Variants in PTPN21 observed in about 807,000 individuals in gnomAD.
PTPN21 encodes tyrosine-protein phosphatase non-receptor type 21.
In PTPN21, 77 loss-of-function variants were observed where a neutral mutation model predicts 131.8. That is an observed-to-expected ratio of 0.58 (90% CI 0.49 to 0.71). The LOEUF (loss-of-function observed/expected upper bound fraction) is 0.71. PTPN21 is among the 30% of genes least tolerant of loss of function. The pLI is 0.00. For synonymous variants in PTPN21, 715 were observed against 621.3 expected (o/e 1.15, Z -2.24); for missense variants, 1,552 against 1,527.1 (o/e 1.02, Z -0.27).
chr14:88,549,157 A>G lies in PTPN21; in HGVS notation c.180+1081T>C, dbSNP rs373245099. On this transcript the variant is annotated intron_variant, in intron 2 of 18. Transcript: ENST00000556564. Reference sequence around the variant, plus strand: ...TGAATGTTGAAAGAACGAAGTCAAGAGCCGGACATGGTGGCACATGCCTAT... The same window carrying G: ...TGAATGTTGAAAGAACGAAGTCAAGGGCCGGACATGGTGGCACATGCCTAT... Among the ~76,000 whole-genome samples the G allele has an allele frequency of 4.6e-5, 7 of 152,320 alleles. No individual in the cohort carries two copies. In the South Asian group the frequency reaches 1.0e-3, roughly 23 times the overall value.
rs1393142104 is a variant in PTPN21 at position 88,479,229 on chromosome 14, C to A, written c.2202G>T (p.Glu734Asp). 5 of 1,604,694 alleles carry A rather than the reference C, an allele frequency of 3.1e-6. No homozygotes were observed. The highest frequency in any genetic ancestry group is 3.4e-6 in the Non-Finnish European group (4 of 1,175,640). The change falls in exon 13 of 19, where the codon GAG (glutamate) becomes GAT (aspartate). Residue 734 changes from glutamate to aspartate, a missense_variant. This residue lies in a region of PTPN21 where 1,016 missense variants were observed against 883.5 expected (regional missense o/e 1.15). Coordinates refer to ENST00000556564, the MANE Select transcript of PTPN21 (RefSeq NM_007039.4). ...GARAPPARAR[E>D]PRPGLAQDPP... is the part of the protein sequence containing the mutation. ...GGTCCTGGGCCAGGCCGGGCCGAGG[C>A]TCGCGCGCACGTGCAGGAGGCGCCC...
chr14:88,489,431 G>C (rs577463633), intron 10 of PTPN21, among the ~76,000 whole-genome samples: 3 of 152,040 alleles, frequency 2.0e-5, no homozygotes, highest in Non-Finnish European at 4.4e-5. Context: ...CTTGAGGCCA[G>C]GGGTTTAAGA....
chr14:88,526,547 C>CAAAAAAAAAAAAAAAAA (rs10587204), intron 2 of PTPN21, among the ~76,000 whole-genome samples: 1 of 56,912 alleles, frequency 1.8e-5, no homozygotes, highest in African/African-American at 8.2e-5. Flanking sequence ...GAGATGATCT[C>CAAAAAAAAAAAAAAAAA]AAAAAAAAAA....
At chr14:88,525,735 G>C (rs772326958) in intron 2 of PTPN21, among the ~76,000 whole-genome samples, 1 of 152,096 alleles carries the variant, frequency 6.6e-6, no homozygotes, top group African/African-American at 2.4e-5. Flanking sequence ...AGGTGCTCAA[G>C]AAACACATGT....
rs2078070942 is a variant in PTPN21 at position 88,505,358 on chromosome 14, G to A, written c.462C>T (p.Asp154=). 1.2e-6 allele frequency: 2 copies of A among 1,606,064 alleles called. No individual in the cohort carries two copies. Among genetic ancestry groups the A allele is most frequent in the East Asian group, 4.5e-5 (2 of 44,770 alleles). ...AGTCCTGGGATTCATACTGATCAAA[G>A]TCACCAAAATCCGCTATATAGAATG... ...AGLAVQADFG[D]FDQYESQDFL... The change falls in exon 5 of 19, where the codon GAC becomes GAT. Residue 154 remains aspartate (D), a synonymous_variant. Transcript: ENST00000556564.
At chr14:88,503,194 C>T (rs989483573) in intron 6 of PTPN21, among the ~76,000 whole-genome samples, 2 of 152,056 alleles carry the variant, frequency 1.3e-5, no homozygotes, top group African/African-American at 4.8e-5. Flanking sequence ...TGCCACCACA[C>T]CTGGCTAATT....
intron 2 of PTPN21, among the ~76,000 whole-genome samples, chr14:88,549,314 G>C (rs909685676): frequency 6.6e-6 from 1 of 152,214 alleles, no homozygotes; most frequent in African/African-American, 2.4e-5. Flanking sequence ...TAGAGATCAG[G>C]ATGACCTTTG....
intron 10 of PTPN21, among the ~76,000 whole-genome samples, chr14:88,494,200 A>AG (rs552272409): frequency 2.1e-4 from 32 of 152,302 alleles, no homozygotes; most frequent in African/African-American, 7.2e-4. Context: ...GCAATGAGGG[A>AG]GCAAGGCAGG....
chr14:88,537,318 C>T (rs76132628), intron 2 of PTPN21, among the ~76,000 whole-genome samples: 1,645 of 152,242 alleles, frequency 0.011, 12 homozygotes, highest in Middle Eastern at 0.024. Flanking sequence ...GAGGCACAAA[C>T]TGAGATTACT....
intron 14 of PTPN21, among the ~76,000 whole-genome samples, chr14:88,473,355 T>G (rs1048171550): frequency 2.0e-5 from 3 of 152,184 alleles, no homozygotes; most frequent in Admixed American, 1.3e-4. Flanking sequence ...CCCTGTATGC[T>G]CCTGTATTTT....
intron 12 of PTPN21, among the ~76,000 whole-genome samples, chr14:88,484,721 T>C (rs941632407): frequency 6.6e-6 from 1 of 152,068 alleles, no homozygotes; most frequent in Non-Finnish European, 1.5e-5. Flanking sequence ...AAACCCCATG[T>C]CTACTAAAAA....
intron 12 of PTPN21, among the ~76,000 whole-genome samples, chr14:88,481,683 A>G (rs73314159): frequency 0.037 from 5,650 of 152,274 alleles, 350 homozygotes; most frequent in African/African-American, 0.13. Flanking sequence ...TTCCAGCCTG[A>G]GTTGGGTTGA....
rs2078906119 is a variant in PTPN21, at chr14:88,554,996, G to A, written c.-548C>T. Among the ~76,000 whole-genome samples, 1 of 148,856 alleles carries A rather than the reference G, an allele frequency of 6.7e-6. No homozygotes were observed. The highest frequency in any genetic ancestry group is 2.5e-5 in the African/African-American group (1 of 40,678). On this transcript the variant is annotated 5_prime_UTR_variant, in exon 1 of 19. Coordinates refer to ENST00000556564, the MANE Select transcript of PTPN21 (RefSeq NM_007039.4). ...GCGCGGCCGGAGCAGCGGGGCGGCC[G>A]GGCCCAGGCGTCCCTCCCCCTGAGC...
chr14:88,506,525 A>T (rs551954076), intron 4 of PTPN21, among the ~76,000 whole-genome samples: 1 of 152,220 alleles, frequency 6.6e-6, no homozygotes, highest in Admixed American at 6.5e-5. Flanking sequence ...CAATCCTCCC[A>T]CATTGGCCTC....
At chr14:88,512,435 T>TA (rs1384356715) in intron 3 of PTPN21, 3 of 152,212 alleles carry the variant, frequency 2.0e-5, no homozygotes, top group Non-Finnish European at 2.9e-5. Context: ...TCTCTTGCTA[T>TA]AAAAAAGAAA....
Position 88,469,806 on chromosome 14 carries a change from T to C in PTPN21, c.3001-73A>G, listed in dbSNP as rs1275717104. 6.2e-7 allele frequency: 1 copy of C among 1,600,262 alleles called. No individual in the cohort carries two copies. Among genetic ancestry groups the C allele is most frequent in the African/African-American group, 1.3e-5 (1 of 74,744 alleles). ...GCCTTTCTCACATAGACGGCACATCTGAAACAGAACCACAACCCTACCCTG... is the reference window on the plus strand; with the variant it reads ...GCCTTTCTCACATAGACGGCACATCCGAAACAGAACCACAACCCTACCCTG... On this transcript the variant is annotated intron_variant, in intron 16 of 18. Coordinates refer to ENST00000556564, the MANE Select transcript of PTPN21 (RefSeq NM_007039.4). This position sits in a 1 kb window ranked among gnomAD's most constrained non-coding sequence, Gnocchi z 4.3.
Position 88,472,374 on chromosome 14 carries a change from G to A in PTPN21, c.2741C>T (p.Ser914Leu), listed in dbSNP as rs201607609. 2.9e-5 allele frequency: 46 copies of A among 1,613,428 alleles called. No homozygotes were observed. In the East Asian group the frequency reaches 4.7e-4, roughly 16 times the overall value. The change falls in exon 15 of 19, where the codon TCA becomes TTA. Residue 914 changes from serine (S) to leucine (L), a missense_variant. Physicochemically the swap from Ser to Leu is moderately radical, Grantham distance 145. Coordinates refer to ENST00000556564, the MANE Select transcript of PTPN21 (RefSeq NM_007039.4). ...LKKRLVDGEC[S>L]TARLPENAER... Reference sequence around the variant, plus strand: ...TGCATTTTCAGGGAGTCGTGCTGTTGAGCACTCCCCATCAACTAGCCGTTT... The same window carrying A: ...TGCATTTTCAGGGAGTCGTGCTGTTAAGCACTCCCCATCAACTAGCCGTTT...
At position 88,467,981 on chromosome 14, in the gene PTPN21, T is replaced by C. The variant is rs1313055938; in HGVS notation, c.*156A>G. On this transcript the variant is annotated 3_prime_UTR_variant, in exon 19 of 19. Transcript: ENST00000556564. The stretch of plus-strand genomic sequence containing the variant: ...CCCTCTTCAGCCTGTGCTTCGCACG[T>C]TTCCTTCAGCGTGCCGCCATTCAGA... 8.2e-6 allele frequency: 8 copies of C among 974,632 alleles called. No individual in the cohort carries two copies. The highest frequency in any genetic ancestry group is 1.3e-5 in the Non-Finnish European group (8 of 631,872). The allele number at this position is 974,632 out of a possible 1,614,324, so 60.4% of individuals were successfully genotyped here. A position where few individuals can be genotyped will look rare whatever the true frequency, so the allele number is the denominator to read the frequency against.
At chr14:88,473,445 GAAAC>G (rs1025642507) in intron 14 of PTPN21, among the ~76,000 whole-genome samples, 14 of 152,042 alleles carry the variant, frequency 9.2e-5, no homozygotes, top group South Asian at 2.1e-4. Flanking sequence ...AGAACACTGA[GAAAC>G]AAACAAACAA....
Sources: allele counts gnomAD v4.1 joint callset (sites outside exome capture counted in the v4.1 genomes callset), GRCh38; gene constraint gnomAD v4.1.1; regional missense constraint gnomAD v4.1.1; non-coding constraint Gnocchi (gnomAD v3.1); transcripts MANE v1.5; gene names NCBI Gene and HGNC (gene_info 2026-07-23, HGNC 2026-07-21).